Variants in POM121 observed in about 807,000 individuals in gnomAD.
POM121 encodes the protein POM121 transmembrane nucleoporin.
POM121 carries 32 observed loss-of-function variants against 81.3 expected under a neutral mutation model. That is an observed-to-expected ratio of 0.39 (90% confidence interval 0.30 to 0.53). POM121 has a LOEUF of 0.53. POM121 is among the 20% of genes least tolerant of loss of function. POM121 has a pLI of 0.66. For missense variants in POM121, 1,138 were observed against 1,614.6 expected (o/e 0.70, Z 5.06); for synonymous variants, 514 against 694.2 (o/e 0.74, Z 4.08).
At chr7:72,886,082 C>T (rs1278976022) in intron 1 of POM121, among the ~76,000 whole-genome samples, 1 of 152,050 alleles carries the variant, frequency 6.6e-6, no homozygotes, top group Non-Finnish European at 1.5e-5. Context: ...GTCTTTACAC[C>T]GTTGTTCATT....
intron 3 of POM121, among the ~76,000 whole-genome samples, chr7:72,904,555 A>G (rs1325341400): frequency 2.6e-5 from 4 of 152,220 alleles, no homozygotes; most frequent in South Asian, 2.1e-4. Flanking sequence ...GTTGCCTTCA[A>G]TACCAGAAAC....
rs374511205 is a variant in POM121, at chr7:72,926,368, A to G, written c.751A>G (p.Asn251Asp). Residue 251 changes from asparagine to aspartate, a missense_variant, in exon 2 of 13, where the codon AAT becomes GAT. Asn to Asp is a conservative substitution (Grantham distance 23). Transcript: ENST00000434423. ...GGGGGTACTTCCCACCGTGTGCTGG[A>G]ATGGTTATCACAAGAAGGCTGTGCT... ...CLGVLPTVCW[N>D]GYHKKAVLSP... 1.8e-5 allele frequency: 29 copies of G among 1,613,822 alleles called. No homozygotes were observed. The African/African-American group carries it at 3.2e-4, about 18-fold the overall frequency.
At chr7:72,886,191 T>TTTA (rs1563130519) in intron 1 of POM121, among the ~76,000 whole-genome samples, 216 of 141,718 alleles carry the variant, frequency 1.5e-3, no homozygotes, top group African/African-American at 5.8e-3. Context: ...TTATTTATTT[T>TTTA]GAGACAGAGT....
At chr7:72,928,083 G>C (rs538577044) in intron 3 of POM121, among the ~76,000 whole-genome samples, 22 of 152,218 alleles carry the variant, frequency 1.4e-4, no homozygotes, top group African/African-American at 5.3e-4. Flanking sequence ...GTGCATACCT[G>C]TAGTCCCAGC....
At chr7:72,892,109 G>T (rs572108713) in intron 3 of POM121, among the ~76,000 whole-genome samples, 1 of 152,152 alleles carries the variant, frequency 6.6e-6, no homozygotes, top group Non-Finnish European at 1.5e-5. Flanking sequence ...AGTGAATGTC[G>T]GTTCCTTTTC....
At chr7:72,944,858 G>T (rs1261008112) in intron 11 of POM121, among the ~76,000 whole-genome samples, 1 of 152,176 alleles carries the variant, frequency 6.6e-6, no homozygotes, top group Admixed American at 6.5e-5. Context: ...AGCCTCACAG[G>T]GCGAAGTCAC....
At position 72,925,145 on chromosome 7, in the gene POM121, T is replaced by C; in HGVS notation, c.24T>C (p.Ala8=). 9.0e-6 allele frequency: 13 copies of C among 1,452,374 alleles called. No individual in the cohort carries two copies. In the Middle Eastern group the frequency reaches 9.4e-4, roughly 105 times the overall value. 90.0% of individuals were successfully genotyped at this position (1,452,374 alleles called of 1,614,324 possible). A position where few individuals can be genotyped will look rare whatever the true frequency, so the allele number is the denominator to read the frequency against. ...CGATGTCTCCGGCGGCTGCGGCGGC[T>C]GGAGCAGGCGAGCGGCGGCGGCCCA... is the stretch of plus-strand genomic sequence containing the variant. The part of the protein sequence containing the change: MSPAAAA[A]GAGERRRPIA... Residue 8 remains alanine (A), a synonymous_variant, in exon 1 of 13, where the codon GCT becomes GCC. Coordinates refer to ENST00000434423, the MANE Select transcript of POM121 (RefSeq NM_001387691.1).
intron 3 of POM121, among the ~76,000 whole-genome samples, chr7:72,897,066 C>T (rs1360097368): frequency 1.5e-5 from 2 of 136,482 alleles, no homozygotes; most frequent in African/African-American, 5.4e-5. Context: ...AGCCAGAAAT[C>T]GCTTGAACCT....
At position 72,887,720 on chromosome 7, in the gene POM121, G is replaced by A. The variant is rs548594092; in HGVS notation, c.-520-2907G>A. Among the ~76,000 whole-genome samples, 274 of 152,230 alleles carry A rather than the reference G, an allele frequency of 1.8e-3. 1 individual carries two copies. The highest frequency in any genetic ancestry group is 2.9e-3 in the Non-Finnish European group (199 of 68,000). On this transcript the variant is annotated intron_variant, in intron 1 of 15. Transcript: ENST00000395270. ...TGCACGCCTGTAATCCCAGCTACTC[G>A]GGAGGCTGAGGCAGAAGAATTGCTG...
chr7:72,919,258 G>C (rs1186152461), intron 4 of POM121, among the ~76,000 whole-genome samples: 3 of 150,118 alleles, frequency 2.0e-5, no homozygotes, highest in Non-Finnish European at 4.4e-5. Context: ...TGGGAGCTTG[G>C]AGCTGTCTTA....
At chr7:72,930,368 G>A (rs1478824975) in intron 5 of POM121, among the ~76,000 whole-genome samples, 1 of 152,218 alleles carries the variant, frequency 6.6e-6, no homozygotes, top group Non-Finnish European at 1.5e-5. Flanking sequence ...CTATCTGTCA[G>A]ACATTAGAAT....
exon 1 of POM121, chr7:72,879,639 C>G (rs1789930883): frequency 2.8e-6 from 1 of 357,052 alleles, no homozygotes; most frequent in African/African-American, 2.3e-5. Flanking sequence ...GGGCCTGGCC[C>G]GTGTGTGTCC....
chr7:72,881,388 A>AG, intron 1 of POM121, among the ~76,000 whole-genome samples: 1 of 149,302 alleles, frequency 6.7e-6, no homozygotes, highest in Non-Finnish European at 1.5e-5. Context: ...GAGTGTTCAC[A>AG]GGGTGTTAGC....
chr7:72,938,471 A>G (rs1554499951), intron 5 of POM121, 119 bp from the exon 6 acceptor site: 4 of 1,232,866 alleles, frequency 3.2e-6, no homozygotes, highest in Non-Finnish European at 2.4e-6. Flanking sequence ...GATTACAGGC[A>G]TGACTAACCA....
At chr7:72,913,869 A>G (rs1341920204) in intron 4 of POM121, 10 of 152,348 alleles carry the variant, frequency 6.6e-5, no homozygotes, top group African/African-American at 2.2e-4. Context: ...GACAGCCTGT[A>G]GCAGATGCTG....
chr7:72,922,797 C>T (rs1236443911), upstream of POM121, among the ~76,000 whole-genome samples: 2 of 152,144 alleles, frequency 1.3e-5, no homozygotes, highest in African/African-American at 4.8e-5. Context: ...GCCCCGAGGG[C>T]TCAGGCTATG....
chr7:72,887,616 C>T (rs1790856112), intron 1 of POM121, among the ~76,000 whole-genome samples: 1 of 152,184 alleles, frequency 6.6e-6, no homozygotes, highest in African/African-American at 2.4e-5. Flanking sequence ...ATCACGAGGT[C>T]AGGAGTTCAA....
chr7:72,902,702 G>T (rs1792816688), intron 3 of POM121, among the ~76,000 whole-genome samples: 1 of 151,932 alleles, frequency 6.6e-6, no homozygotes, highest in African/African-American at 2.4e-5. Flanking sequence ...CTAATTGTTT[G>T]TATTTTTTGT....
downstream of POM121, chr7:72,950,106 C>T (rs781860812): frequency 8.8e-6 from 14 of 1,594,310 alleles, 1 homozygote; most frequent in Non-Finnish European, 1.0e-5. Flanking sequence ...GGTGTTCATG[C>T]AGATCTGTCT....
Sources: allele counts gnomAD v4.1 joint callset (sites outside exome capture counted in the v4.1 genomes callset), GRCh38; gene constraint gnomAD v4.1.1; transcripts MANE v1.5; gene names NCBI Gene and HGNC (gene_info 2026-07-23, HGNC 2026-07-21).